The following EHD3 variants were observed in gnomAD, a reference collection of about 807,000 sequenced individuals.
The protein encoded by EHD3 is EH domain containing 3, also known as EH domain-containing protein 3.
In EHD3, 17 loss-of-function variants were observed where a neutral mutation model predicts 43.0. The ratio of observed to expected loss-of-function variants is 0.40; its 90% CI spans 0.27 to 0.59. EHD3 has a LOEUF of 0.59. Among genes scored for constraint, EHD3 ranks in the 20% least tolerant of loss-of-function variants. The pLI is 0.49. For synonymous variants in EHD3, 313 were observed against 289.5 expected (o/e 1.08, Z -0.82); for missense variants, 594 against 705.6 (o/e 0.84, Z 1.79).
chr2:31,259,366 T>A (rs147150491), intron 3 of EHD3, among the ~76,000 whole-genome samples: 6 of 152,306 alleles, frequency 3.9e-5, no homozygotes, highest in African/African-American at 1.4e-4. Context: ...TCCTATTTTA[T>A]GTAAGAGGAG....
At chr2:31,256,444 T>C (rs1005488259) in intron 3 of EHD3, among the ~76,000 whole-genome samples, 8 of 152,228 alleles carry the variant, frequency 5.3e-5, no homozygotes, top group African/African-American at 1.9e-4. Flanking sequence ...CACGTTTCAC[T>C]TCCGTTCAGC....
intron 5 of EHD3, among the ~76,000 whole-genome samples, chr2:31,263,033 T>A (rs1393275549): frequency 6.6e-6 from 1 of 152,258 alleles, no homozygotes; most frequent in Non-Finnish European, 1.5e-5. Flanking sequence ...TCAGTTTAAA[T>A]CTAGGTTTTT....
At chr2:31,263,388 A>G (rs3769619) in intron 5 of EHD3, among the ~76,000 whole-genome samples, 103,908 of 152,164 alleles carry the variant, frequency 0.68, 35,738 homozygotes, top group East Asian at 0.83. Flanking sequence ...TGCCAGTTCA[A>G]TATTCTGTTC....
In EHD3 at chr2:31,260,955, G is replaced by C. The variant is rs1683842639; in HGVS notation, c.915+33G>C. 3.8e-6 allele frequency: 6 copies of C among 1,559,218 alleles called. No individual in the cohort carries two copies. Among genetic ancestry groups the C allele is most frequent in the Non-Finnish European group, 5.2e-6 (6 of 1,155,608 alleles). On this transcript the variant is annotated intron_variant, in intron 4 of 5. Transcript: ENST00000322054. The surrounding 1 kb of genome is among the most constrained non-coding windows in gnomAD (Gnocchi z 4.6). ...AGCCCCCTGGGAGGTGGGCAGCTTG[G>C]GCAGGGGCCCAGAGTTTGGGGTCAG...
At chr2:31,263,103 G>GA (rs1369807786) in intron 5 of EHD3, among the ~76,000 whole-genome samples, 2 of 151,950 alleles carry the variant, frequency 1.3e-5, no homozygotes, top group Admixed American at 1.3e-4. Context: ...AGAAGAAAAA[G>GA]AAAAAAATAT....
chr2:31,244,043 G>A (rs1683473776), intron 1 of EHD3, among the ~76,000 whole-genome samples: 1 of 151,862 alleles, frequency 6.6e-6, no homozygotes, highest in Non-Finnish European at 1.5e-5. Flanking sequence ...AATTGAGAAA[G>A]GGAAAAAGAT....
At chr2:31,241,939 T>C (rs533369128) in intron 1 of EHD3, among the ~76,000 whole-genome samples, 1 of 152,324 alleles carries the variant, frequency 6.6e-6, no homozygotes. Context: ...CCTCTCACTC[T>C]GATTATTGAA....
At chr2:31,258,959 GCTT>G (rs1683800065) in intron 3 of EHD3, among the ~76,000 whole-genome samples, 1 of 152,204 alleles carries the variant, frequency 6.6e-6, no homozygotes, top group Admixed American at 6.5e-5. Context: ...GACAGTCAGA[GCTT>G]CTTAAGTCTG....
chr2:31,241,963 A>G (rs647316), intron 1 of EHD3, among the ~76,000 whole-genome samples: 121,497 of 152,206 alleles, frequency 0.8, 49,018 homozygotes, highest in East Asian at 0.95. Flanking sequence ...GGATCTGGAG[A>G]GATGAGGGGC....
chr2:31,244,362 G>A lies in EHD3; in HGVS notation c.316G>A (p.Glu106Lys). ...CATTGCGGTGATGCAGGGAGACATG[G>A]AGGGGATCATCCCTGGGAACGCCCT... is the stretch of plus-strand genomic sequence containing the variant. ...SFIAVMQGDM[E>K]GIIPGNALVV... Residue 106 changes from glutamate (E) to lysine (K), a missense_variant, in exon 2 of 6, where the codon GAG becomes AAG. Around this residue, in one of 3 missense-constraint regions of EHD3, gnomAD observed 243 missense variants for 296.7 expected, o/e 0.82. Coordinates refer to ENST00000322054, the MANE Select transcript of EHD3 (RefSeq NM_014600.3). 6.2e-7 allele frequency: 1 copy of A among 1,614,208 alleles called. No homozygotes were observed. Among genetic ancestry groups the A allele is most frequent in the East Asian group, 2.2e-5 (1 of 44,880 alleles).
At chr2:31,245,678 C>T (rs1450797506) in intron 2 of EHD3, among the ~76,000 whole-genome samples, 1 of 147,794 alleles carries the variant, frequency 6.8e-6, no homozygotes, top group African/African-American at 2.5e-5. Flanking sequence ...TCTCCTGCCT[C>T]AGCCTCCCGA....
chr2:31,261,129 C>T (rs976394842), intron 4 of EHD3, among the ~76,000 whole-genome samples: 3 of 152,222 alleles, frequency 2.0e-5, no homozygotes, highest in African/African-American at 7.2e-5. Flanking sequence ...CTGTGGGATT[C>T]CCAGCCTTGG....
At position 31,266,330 on chromosome 2, in the gene EHD3, G is replaced by A; in HGVS notation, c.1234G>A (p.Gly412Arg). The change falls in exon 6 of 6, where the codon GGA becomes AGA. Residue 412 changes from glycine to arginine, a missense_variant. Gly to Arg is a moderately radical substitution (Grantham distance 125). Coordinates refer to ENST00000322054, the MANE Select transcript of EHD3 (RefSeq NM_014600.3). The surrounding 1 kb of genome is among the most constrained non-coding windows in gnomAD (Gnocchi z 5.1). ...GCGGCCCATCCAGATGGTGAAGGGCGGAGCGTTCGAGGGCACCCTGCACGG... is the reference window on the plus strand; with the variant it reads ...GCGGCCCATCCAGATGGTGAAGGGCAGAGCGTTCGAGGGCACCCTGCACGG... ...SQRPIQMVKG[G>R]AFEGTLHGPF... 6.2e-7 allele frequency: 1 copy of A among 1,614,188 alleles called. No homozygotes were observed. Among genetic ancestry groups the A allele is most frequent in the Non-Finnish European group, 8.5e-7 (1 of 1,180,038 alleles).
chr2:31,249,889 G>A (rs1040823452), intron 3 of EHD3, among the ~76,000 whole-genome samples: 17 of 152,304 alleles, frequency 1.1e-4, no homozygotes, highest in African/African-American at 4.1e-4. Flanking sequence ...TGGGTCATAA[G>A]AGGAGGGAAC....
rs531332874 is a variant in EHD3, at chr2:31,252,066, A to T, written c.502+2598A>T. ...AGCCTGACCAGCGGGTCCAGAGAGG[A>T]CTCCAGCCTCTGCGGTTTCCAAGGA... On this transcript the variant is annotated intron_variant, in intron 3 of 5. Coordinates refer to ENST00000322054, the MANE Select transcript of EHD3 (RefSeq NM_014600.3). Among the ~76,000 whole-genome samples, 98 of 152,094 alleles carry T rather than the reference A, an allele frequency of 6.4e-4. No homozygotes were observed. The Middle Eastern group carries it at 0.024, about 37-fold the overall frequency.
chr2:31,267,762 A>G lies in EHD3; in HGVS notation c.*1058A>G, dbSNP rs1454401759. On this transcript the variant is annotated 3_prime_UTR_variant, in exon 6 of 6. Transcript: ENST00000322054. ...ATCCCAGCATTGATACCCAATGACA[A>G]ACTATGGAGAACAAGCAAAGTATGC... 1 of 152,210 alleles carries G rather than the reference A, an allele frequency of 6.6e-6. No individual in the cohort carries two copies. Among genetic ancestry groups the G allele is most frequent in the Non-Finnish European group, 1.5e-5 (1 of 68,026 alleles). 9.4% of individuals were successfully genotyped at this position (152,210 alleles called of 1,614,324 possible). A position where few individuals can be genotyped will look rare whatever the true frequency, so the allele number is the denominator to read the frequency against.
chr2:31,266,067 G>T lies in EHD3; in HGVS notation c.1081-110G>T. 1 of 1,368,006 alleles carries T rather than the reference G, an allele frequency of 7.3e-7. No individual in the cohort carries two copies. Among genetic ancestry groups the T allele is most frequent in the South Asian group, 1.5e-5 (1 of 68,848 alleles). The allele number at this position is 1,368,006 out of a possible 1,614,324, so 84.7% of individuals were successfully genotyped here. ...GCCTCTAGGTCACAGGTCTTTCATTGTAGAAAGGGATCAGCTGTGAACATT... is the reference window on the plus strand; with the variant it reads ...GCCTCTAGGTCACAGGTCTTTCATTTTAGAAAGGGATCAGCTGTGAACATT... On this transcript the variant is annotated intron_variant, in intron 5 of 5. Coordinates refer to ENST00000322054, the MANE Select transcript of EHD3 (RefSeq NM_014600.3). The surrounding 1 kb of genome is among the most constrained non-coding windows in gnomAD (Gnocchi z 5.1).
At chr2:31,254,051 C>A (rs946026891) in intron 3 of EHD3, among the ~76,000 whole-genome samples, 2 of 152,182 alleles carry the variant, frequency 1.3e-5, no homozygotes, top group Non-Finnish European at 2.9e-5. Context: ...TCACAGACTG[C>A]ACAGCTTGAA....
intron 3 of EHD3, among the ~76,000 whole-genome samples, chr2:31,258,866 CT>C (rs1683798705): frequency 6.6e-6 from 1 of 151,948 alleles, no homozygotes. Flanking sequence ...GAATCAGAAA[CT>C]TTGGGGATAG....
Sources: gnomAD v4.1 joint callset for allele counts (sites outside exome capture counted in the v4.1 genomes callset) on GRCh38, gnomAD v4.1.1 for gene constraint, gnomAD v4.1.1 regional missense constraint, Gnocchi (gnomAD v3.1) non-coding constraint, MANE v1.5 for transcripts, NCBI Gene and HGNC (gene_info 2026-07-23, HGNC 2026-07-21) for gene names.